The following PCNX1 variants were observed in gnomAD, a reference collection of about 807,000 sequenced individuals.
PCNX1 encodes the protein pecanex 1, also known as pecanex-like protein 1.
Under a neutral mutation model 242.2 loss-of-function variants are expected in PCNX1, and 78 were observed. The ratio of observed to expected loss-of-function variants is 0.32; its 90% CI spans 0.27 to 0.39. The LOEUF (loss-of-function observed/expected upper bound fraction) is 0.39. Among genes scored for constraint, PCNX1 ranks in the 10% least tolerant of loss-of-function variants. The probability of loss-of-function intolerance (pLI) is 1.00; values close to 1 mark genes in which losing one functional copy is unlikely to be tolerated. For missense variants in PCNX1, 2,581 were observed against 2,856.5 expected (o/e 0.90, Z 2.20); for synonymous variants, 1,024 against 1,032.9 (o/e 0.99, Z 0.17).
rs1022726385 is a variant in PCNX1, at chr14:71,105,410, C to T, written c.6271C>T (p.Pro2091Ser). The change falls in exon 33 of 36, where the codon CCA becomes TCA. Residue 2091 changes from proline to serine, a missense_variant. By Grantham distance (74) the Pro-to-Ser change is moderately conservative. Coordinates refer to ENST00000304743, the MANE Select transcript of PCNX1 (RefSeq NM_014982.3). ...GCAGGGATCAGGAACTGGACTCCAC[C>T]CACCTGTCACATCTTATCCTCCAAC... ...PGQGSGTGLH[P>S]PVTSYPPTLG... 3.1e-6 allele frequency: 5 copies of T among 1,613,758 alleles called. No individual in the cohort carries two copies. The highest frequency in any genetic ancestry group is 4.2e-6 in the Non-Finnish European group (5 of 1,179,840).
At chr14:71,105,050 A>G (rs1395038907) in intron 32 of PCNX1, among the ~76,000 whole-genome samples, 185 bp from the exon 33 acceptor site, 2 of 152,256 alleles carry the variant, frequency 1.3e-5, no homozygotes, top group Admixed American at 6.5e-5. Context: ...TATGACGGGT[A>G]TAGTTCTTAA....
intron 33 of PCNX1, among the ~76,000 whole-genome samples, chr14:71,107,448 A>G (rs2062656196): frequency 1.3e-5 from 2 of 152,174 alleles, no homozygotes; most frequent in Admixed American, 6.5e-5. Context: ...TATTTAGGTG[A>G]AAACCTAAAA....
intron 26 of PCNX1, among the ~76,000 whole-genome samples, chr14:71,073,121 C>T (rs1476657504): frequency 3.9e-5 from 6 of 152,156 alleles, no homozygotes; most frequent in African/African-American, 7.2e-5. Context: ...GGTGAAACCC[C>T]GTCTCTACTA....
chr14:70,951,050 A>AT (rs1461956001), intron 2 of PCNX1, among the ~76,000 whole-genome samples: 1 of 151,998 alleles, frequency 6.6e-6, no homozygotes, highest in Non-Finnish European at 1.5e-5. Context: ...TACTTTCAGT[A>AT]TTTTTATCAT....
In PCNX1 at chr14:70,978,400, C is replaced by T; in HGVS notation, c.2063C>T (p.Ala688Val). The change falls in exon 6 of 36, where the codon GCC becomes GTC. Residue 688 changes from alanine (A) to valine (V), a missense_variant. Transcript: ENST00000304743. ...AGCACAAATAGTGCCAAGACTCGTG[C>T]CCGAGTGTTGAGCCTGGACAGTGGC... is the stretch of plus-strand genomic sequence containing the variant. ...TSSTNSAKTR[A>V]RVLSLDSGTV... 6.2e-7 allele frequency: 1 copy of T among 1,614,208 alleles called. No homozygotes were observed. Among genetic ancestry groups the T allele is most frequent in the Non-Finnish European group, 8.5e-7 (1 of 1,180,018 alleles).
chr14:71,057,488 TTTTA>T lies in PCNX1; in HGVS notation c.4637-20_4637-17del, dbSNP rs758245731. The stretch of plus-strand genomic sequence containing the variant: ...AGGACTTAAGGTTAAATTTAACTTT[TTTTA>T]AAATCTCTTTTTATAGGATCAGATG... On this transcript the variant is annotated splice_polypyrimidine_tract_variant and intron_variant, in intron 25 of 35. Coordinates refer to ENST00000304743, the MANE Select transcript of PCNX1 (RefSeq NM_014982.3). The T allele has an allele frequency of 6.4e-7, 1 of 1,557,586 alleles. No homozygotes were observed. Among genetic ancestry groups the T allele is most frequent in the Non-Finnish European group, 8.8e-7 (1 of 1,134,158 alleles).
At chr14:71,026,056 C>A in intron 13 of PCNX1, 61 bp from the exon 14 acceptor site, 1 of 1,042,864 alleles carries the variant, frequency 9.6e-7, no homozygotes. Flanking sequence ...TCAGTGATAC[C>A]AGTAGTTATT....
intron 24 of PCNX1, among the ~76,000 whole-genome samples, chr14:71,053,916 C>T (rs1010692237): frequency 6.6e-6 from 1 of 151,978 alleles, no homozygotes; most frequent in East Asian, 1.9e-4. Context: ...TCTACCTGTA[C>T]ATTCAGTCAG....
At chr14:70,955,928 C>CT (rs1174357118) in intron 2 of PCNX1, among the ~76,000 whole-genome samples, 1 of 151,778 alleles carries the variant, frequency 6.6e-6, no homozygotes, top group Non-Finnish European at 1.5e-5. Flanking sequence ...TTGATATCTC[C>CT]TTTCTTCCCA....
chr14:71,050,889 C>A, intron 23 of PCNX1, 129 bp downstream of exon 23: 1 of 891,644 alleles, frequency 1.1e-6, no homozygotes, highest in Non-Finnish European at 1.7e-6. Context: ...ATAATCTTGG[C>A]CGGGTGCAGT....
At chr14:71,102,509 A>C (rs1463926043) in intron 31 of PCNX1, among the ~76,000 whole-genome samples, 1 of 152,046 alleles carries the variant, frequency 6.6e-6, no homozygotes, top group African/African-American at 2.4e-5. Flanking sequence ...CAAGTGATCC[A>C]CCTGACTCAG....
At chr14:71,037,655 G>C (rs2060580505) in intron 19 of PCNX1, among the ~76,000 whole-genome samples, 2 of 151,544 alleles carry the variant, frequency 1.3e-5, no homozygotes, top group African/African-American at 4.9e-5. Context: ...GATCATGGTG[G>C]ATAAGCTTTT....
intron 3 of PCNX1, among the ~76,000 whole-genome samples, 153 bp from the exon 4 acceptor site, chr14:70,968,045 G>T (rs2058434122): frequency 6.6e-6 from 1 of 152,168 alleles, no homozygotes; most frequent in Non-Finnish European, 1.5e-5. Context: ...GGCTCCAATA[G>T]AGCTTGTCCA....
chr14:70,992,325 TA>T (rs1439601542), intron 7 of PCNX1, among the ~76,000 whole-genome samples: 1 of 152,114 alleles, frequency 6.6e-6, no homozygotes, highest in Admixed American at 6.6e-5. Context: ...AATACAAGAT[TA>T]AAAAATCTGT....
In PCNX1 at chr14:70,907,800, G is replaced by A. The variant is rs2055622935; in HGVS notation, c.-51G>A. ...GGCGACCGAGGCCGAGCTGGGGCCG[G>A]GGCGGGGACGGCGGCGGCGGCGGCG... On this transcript the variant is annotated 5_prime_UTR_variant, in exon 1 of 36. Coordinates refer to ENST00000304743, the MANE Select transcript of PCNX1 (RefSeq NM_014982.3). The A allele has an allele frequency of 1.6e-6, 2 of 1,228,214 alleles. No homozygotes were observed. Among genetic ancestry groups the A allele is most frequent in the South Asian group, 3.7e-5 (1 of 26,876 alleles). The allele number at this position is 1,228,214 out of a possible 1,614,324, so 76.1% of individuals were successfully genotyped here.
rs542775648 is a variant in PCNX1 at position 70,938,864 on chromosome 14, G to A, written c.154-8051G>A. ...CTTCCTGATTTAGTCTTGGGAGGGTGTATGTGTCCAGGAATTTATCCATTT... is the reference window on the plus strand; with the variant it reads ...CTTCCTGATTTAGTCTTGGGAGGGTATATGTGTCCAGGAATTTATCCATTT... On this transcript the variant is annotated intron_variant, in intron 1 of 35. Coordinates refer to ENST00000304743, the MANE Select transcript of PCNX1 (RefSeq NM_014982.3). 1.2e-4 allele frequency among the ~76,000 whole-genome samples: 18 copies of A among 152,314 alleles called. No individual in the cohort carries two copies. The East Asian group carries it at 2.1e-3, about 18-fold the overall frequency.
chr14:71,028,608 CATT>C, intron 15 of PCNX1, 89 bp from the exon 16 acceptor site: 1 of 695,556 alleles, frequency 1.4e-6, no homozygotes, highest in East Asian at 3.0e-5. Context: ...TGATAGTTGA[CATT>C]ATAATATTTT....
At chr14:71,095,812 T>TA (rs1278544340) in intron 30 of PCNX1, among the ~76,000 whole-genome samples, 1 of 152,238 alleles carries the variant, frequency 6.6e-6, no homozygotes, top group Non-Finnish European at 1.5e-5. Context: ...AAGAGATATT[T>TA]AAACAAGATG....
chr14:71,108,639 C>T lies in PCNX1; in HGVS notation c.6337C>T (p.Leu2113=), dbSNP rs765717548. The T allele has an allele frequency of 8.1e-6, 13 of 1,613,978 alleles. 1 individual carries two copies. In the South Asian group the frequency reaches 8.8e-5, roughly 11 times the overall value. Residue 2113 remains leucine (L), a synonymous_variant, in exon 34 of 36, where the codon CTG becomes TTG. Coordinates refer to ENST00000304743, the MANE Select transcript of PCNX1 (RefSeq NM_014982.3). ...SHSSHSVQSG[L]VRQSPARASV... ...CAGCTCTCACTCTGTGCAGTCGGGC[C>T]TGGTCAGACAGTCTCCTGCCCGGGC...
Sources: allele counts gnomAD v4.1 joint callset (sites outside exome capture counted in the v4.1 genomes callset), GRCh38; gene constraint gnomAD v4.1.1; transcripts MANE v1.5; gene names NCBI Gene and HGNC (gene_info 2026-07-23, HGNC 2026-07-21).